Variants in NTM observed in about 807,000 individuals in gnomAD.
NTM encodes the protein neurotrimin, also known as IgLON family member 2.
NTM carries 13 observed loss-of-function variants against 42.1 expected under a neutral mutation model. The ratio of observed to expected loss-of-function variants is 0.31; its 90% CI spans 0.20 to 0.49. The LOEUF (loss-of-function observed/expected upper bound fraction) is 0.49, where lower values mean the gene tolerates loss of function less well. Among genes scored for constraint, NTM ranks in the 20% least tolerant of loss-of-function variants. NTM has a pLI of 0.99. For missense variants in NTM, 373 were observed against 452.8 expected, an observed-to-expected ratio of 0.82 and a Z score of 1.60; for synonymous variants, 187 against 179.2, an observed-to-expected ratio of 1.04 and a Z score of -0.35.
intron 2 of NTM, among the ~76,000 whole-genome samples, chr11:132,108,739 T>C (rs1041302040): frequency 2.0e-4 from 30 of 152,294 alleles, no homozygotes; most frequent in African/African-American, 7.2e-4. Context: ...AGTTCTGGGG[T>C]ACATATGCAG....
intron 1 of NTM, among the ~76,000 whole-genome samples, chr11:131,757,812 G>A (rs527274271): frequency 6.6e-6 from 1 of 152,248 alleles, no homozygotes; most frequent in Admixed American, 6.5e-5. Context: ...AAAGTAGTGG[G>A]ATGAAGATTA....
rs182376827 is a variant in NTM at position 132,320,596 on chromosome 11, G to C, written c.934+5893G>C. Among the ~76,000 whole-genome samples, 730 of 152,330 alleles carry C rather than the reference G, an allele frequency of 4.8e-3. 2 individuals carry two copies. Among genetic ancestry groups the C allele is most frequent in the African/African-American group, 0.016 (652 of 41,564 alleles). On this transcript the variant is annotated intron_variant, in intron 7 of 8. Transcript: ENST00000683400. The stretch of plus-strand genomic sequence containing the variant: ...AACTGCAAGGTGGCAGTGAGGCTGG[G>C]GGAGGGGTGCCCGCCATTGCCCAGG...
At chr11:132,152,942 A>C (rs980698617) in intron 3 of NTM, among the ~76,000 whole-genome samples, 11 of 152,176 alleles carry the variant, frequency 7.2e-5, no homozygotes, top group African/African-American at 2.7e-4. Context: ...CGTCTTTTGC[A>C]GAAGAGTGGA....
At chr11:132,241,670 G>A (rs746357798) in intron 4 of NTM, among the ~76,000 whole-genome samples, 5 of 152,134 alleles carry the variant, frequency 3.3e-5, no homozygotes, top group African/African-American at 1.2e-4. Flanking sequence ...GAATTGTTCC[G>A]TACTCCTAAT....
At chr11:131,384,192 C>A (rs1054527958) in intron 1 of NTM, among the ~76,000 whole-genome samples, 1 of 152,018 alleles carries the variant, frequency 6.6e-6, no homozygotes, top group African/African-American at 2.4e-5. Context: ...AACACAGATA[C>A]AACTAATTAC....
intron 4 of NTM, among the ~76,000 whole-genome samples, chr11:132,280,848 C>T (rs998809711): frequency 3.3e-5 from 5 of 151,992 alleles, no homozygotes; most frequent in African/African-American, 9.7e-5. Context: ...TTCTGTAAAC[C>T]CCACCCCAGA....
At chr11:131,389,049 G>GAAAA (rs1555097639) in intron 1 of NTM, among the ~76,000 whole-genome samples, 3,778 of 134,286 alleles carry the variant, frequency 0.028, 358 homozygotes, top group Middle Eastern at 0.041. Context: ...GAAAAGAAAA[G>GAAAA]GAAAAAGAAA....
intron 3 of NTM, among the ~76,000 whole-genome samples, chr11:132,203,876 G>A (rs1400218005): frequency 6.6e-6 from 1 of 151,876 alleles, no homozygotes; most frequent in Non-Finnish European, 1.5e-5. Flanking sequence ...TCCAGCCTGA[G>A]CAATAGAATG....
intron 1 of NTM, among the ~76,000 whole-genome samples, chr11:131,457,120 G>A (rs1162389886): frequency 2.0e-5 from 3 of 152,186 alleles, no homozygotes; most frequent in East Asian, 1.9e-4. Flanking sequence ...TAGGGATATG[G>A]TGTTGAACCA....
At chr11:132,302,172 T>A (rs1177702857) in intron 4 of NTM, among the ~76,000 whole-genome samples, 1 of 152,184 alleles carries the variant, frequency 6.6e-6, no homozygotes, top group Non-Finnish European at 1.5e-5. Context: ...GCTTGCTTCA[T>A]TTCCCTGCTT....
At chr11:132,173,835 G>A (rs2076420642) in intron 3 of NTM, among the ~76,000 whole-genome samples, 1 of 152,218 alleles carries the variant, frequency 6.6e-6, no homozygotes, top group East Asian at 1.9e-4. Context: ...GTAACAGGTA[G>A]CAGTTGTTTT....
At chr11:132,241,740 G>T (rs2090238733) in intron 4 of NTM, among the ~76,000 whole-genome samples, 1 of 152,184 alleles carries the variant, frequency 6.6e-6, no homozygotes, top group African/African-American at 2.4e-5. Flanking sequence ...AAGCTATCGT[G>T]AAAGTGCACA....
chr11:132,266,394 G>A (rs960345278), intron 4 of NTM, among the ~76,000 whole-genome samples: 3 of 152,186 alleles, frequency 2.0e-5, no homozygotes, highest in Non-Finnish European at 2.9e-5. Flanking sequence ...ATCTGAGGCC[G>A]CCTCATTACA....
intron 1 of NTM, among the ~76,000 whole-genome samples, chr11:131,441,383 T>C (rs1198130033): frequency 2.0e-5 from 3 of 152,224 alleles, no homozygotes; most frequent in Non-Finnish European, 2.9e-5. Context: ...TTGGAAATTT[T>C]TTCTAGCACA....
intron 4 of NTM, among the ~76,000 whole-genome samples, chr11:132,231,512 T>A (rs73040270): frequency 0.064 from 9,768 of 152,254 alleles, 422 homozygotes; most frequent in Non-Finnish European, 0.099. Context: ...GAAGTTTTAT[T>A]AAGGGAGCAA....
At chr11:132,222,690 C>T (rs1368131460) in intron 4 of NTM, among the ~76,000 whole-genome samples, 1 of 152,140 alleles carries the variant, frequency 6.6e-6, no homozygotes, top group Non-Finnish European at 1.5e-5. Context: ...TGGCCCCTTC[C>T]CTGGGAGGCT....
intron 1 of NTM, among the ~76,000 whole-genome samples, chr11:131,764,304 C>A (rs2084758301): frequency 6.6e-6 from 1 of 152,122 alleles, no homozygotes; most frequent in South Asian, 2.1e-4. Flanking sequence ...TTATAGAACA[C>A]CAGATGGAAC....
At chr11:131,742,035 A>G (rs2081265907) in intron 1 of NTM, among the ~76,000 whole-genome samples, 1 of 144,604 alleles carries the variant, frequency 6.9e-6, no homozygotes, top group Admixed American at 6.7e-5. Context: ...GAGAACACAG[A>G]GACACAGAAG....
intron 1 of NTM, among the ~76,000 whole-genome samples, chr11:131,441,366 T>G (rs1178075470): frequency 6.6e-6 from 1 of 152,242 alleles, no homozygotes; most frequent in Non-Finnish European, 1.5e-5. Flanking sequence ...GAGAATTTCT[T>G]GACTGTTTGG....
Sources: allele counts gnomAD v4.1 joint callset (sites outside exome capture counted in the v4.1 genomes callset), GRCh38; gene constraint gnomAD v4.1.1; transcripts MANE v1.5; gene names NCBI Gene and HGNC (gene_info 2026-07-23, HGNC 2026-07-21).